The following FHIT variants were observed in gnomAD, a reference collection of about 807,000 sequenced individuals.
The protein encoded by FHIT is fragile histidine triad diadenosine triphosphatase, also known as bis(5'-adenosyl)-triphosphatase.
In FHIT, 19 loss-of-function variants were observed where a neutral mutation model predicts 17.9. The ratio of observed to expected loss-of-function variants is 1.06; its 90% CI spans 0.74 to 1.56. The LOEUF (loss-of-function observed/expected upper bound fraction) is 1.56, where lower values mean the gene tolerates loss of function less well. FHIT is among the 40% of genes most tolerant of loss of function. FHIT has a pLI of 0.00. For missense variants in FHIT, 248 were observed against 189.2 expected (o/e 1.31, Z -1.82); for synonymous variants, 81 against 69.7 (o/e 1.16, Z -0.81).
intron 5 of FHIT, among the ~76,000 whole-genome samples, chr3:60,127,632 C>T (rs1705616470): frequency 6.6e-6 from 1 of 152,082 alleles, no homozygotes; most frequent in Non-Finnish European, 1.5e-5. Context: ...GAAAGGGTCT[C>T]ACTCTGTCAC....
chr3:60,995,997 A>C (rs2030647106), intron 3 of FHIT, among the ~76,000 whole-genome samples: 2 of 152,232 alleles, frequency 1.3e-5, no homozygotes. Context: ...ATTTTAATTT[A>C]ACCTTCCCAG....
chr3:60,152,022 G>T (rs1236660794), intron 5 of FHIT, among the ~76,000 whole-genome samples: 5 of 152,076 alleles, frequency 3.3e-5, no homozygotes, highest in Non-Finnish European at 7.4e-5. Context: ...CCTATAAATT[G>T]CTCTATAAAT....
At chr3:60,235,524 C>T (rs772349085) in intron 5 of FHIT, among the ~76,000 whole-genome samples, 44 of 152,180 alleles carry the variant, frequency 2.9e-4, no homozygotes, top group Non-Finnish European at 2.2e-4. Context: ...CCACCGTGCC[C>T]GGCCATATCT....
chr3:59,776,063 T>C (rs780365), intron 8 of FHIT, among the ~76,000 whole-genome samples: 96,469 of 152,172 alleles, frequency 0.63, 31,196 homozygotes, highest in Middle Eastern at 0.7. Flanking sequence ...TCGAATTGCC[T>C]GCCCAGCTCC....
chr3:59,820,188 T>A (rs546098435), intron 8 of FHIT, among the ~76,000 whole-genome samples: 7 of 152,348 alleles, frequency 4.6e-5, no homozygotes, highest in African/African-American at 1.4e-4. Flanking sequence ...AGGTTTCATT[T>A]TCAACATTTA....
chr3:60,130,382 C>A (rs1699488098), intron 5 of FHIT, among the ~76,000 whole-genome samples: 1 of 152,116 alleles, frequency 6.6e-6, no homozygotes, highest in East Asian at 1.9e-4. Flanking sequence ...TAGCACTATC[C>A]ATGCTCACAA....
intron 5 of FHIT, among the ~76,000 whole-genome samples, chr3:60,088,121 G>A (rs1220613617): frequency 1.3e-5 from 2 of 152,182 alleles, no homozygotes; most frequent in Non-Finnish European, 2.9e-5. Context: ...GAGGAAGCAA[G>A]ATGTCAACAA....
intron 1 of FHIT, among the ~76,000 whole-genome samples, chr3:61,204,376 G>C (rs2039137173): frequency 6.6e-6 from 1 of 152,088 alleles, no homozygotes; most frequent in South Asian, 2.1e-4. Context: ...ATGTACACTT[G>C]CACAAATTAT....
intron 3 of FHIT, among the ~76,000 whole-genome samples, chr3:60,829,071 A>C (rs1702225366): frequency 6.6e-6 from 1 of 152,198 alleles, no homozygotes; most frequent in African/African-American, 2.4e-5. Context: ...TGTTATCAAA[A>C]GTCATTGCAA....
At chr3:59,908,503 A>C (rs1008973015) in intron 8 of FHIT, among the ~76,000 whole-genome samples, 2 of 152,218 alleles carry the variant, frequency 1.3e-5, no homozygotes, top group African/African-American at 2.4e-5. Flanking sequence ...AAAGGTCACC[A>C]TCCTGCAAAG....
At chr3:60,911,156 A>G (rs936227625) in intron 3 of FHIT, among the ~76,000 whole-genome samples, 1 of 152,238 alleles carries the variant, frequency 6.6e-6, no homozygotes, top group Non-Finnish European at 1.5e-5. Flanking sequence ...GTAACTAGTT[A>G]TAAGGAACCG....
rs188820602 is a variant in FHIT at position 60,814,150 on chromosome 3, C to T, written c.-18+7769G>A. The stretch of plus-strand genomic sequence containing the variant: ...GAAAGTAGCTTGCATTCATAAAGCC[C>T]TTGGGCTTAGGTCTTTTTAAAAAAA... On this transcript the variant is annotated intron_variant, in intron 4 of 9. Transcript: ENST00000492590. Among the ~76,000 whole-genome samples the T allele has an allele frequency of 5.3e-5, 8 of 152,004 alleles. No homozygotes were observed. The East Asian group carries it at 1.5e-3, about 29-fold the overall frequency.
At chr3:60,299,216 C>T (rs762935403) in intron 5 of FHIT, among the ~76,000 whole-genome samples, 4 of 152,020 alleles carry the variant, frequency 2.6e-5, no homozygotes, top group Non-Finnish European at 5.9e-5. Context: ...GGTTGACATG[C>T]GGTAGATTCC....
chr3:60,277,454 T>C (rs1559782399), intron 5 of FHIT, among the ~76,000 whole-genome samples: 1 of 152,190 alleles, frequency 6.6e-6, no homozygotes, highest in Non-Finnish European at 1.5e-5. Context: ...AAAAGCTACC[T>C]GGTACTAAGC....
At chr3:60,037,396 T>A (rs1218237304) in intron 5 of FHIT, among the ~76,000 whole-genome samples, 1 of 151,736 alleles carries the variant, frequency 6.6e-6, no homozygotes. Flanking sequence ...CTTTCTTTTT[T>A]TTTTTTTTTT....
intron 5 of FHIT, among the ~76,000 whole-genome samples, chr3:60,176,289 T>G (rs1701665568): frequency 6.6e-6 from 1 of 152,024 alleles, no homozygotes; most frequent in Admixed American, 6.5e-5. Context: ...GAGGCAAAGG[T>G]TGCAGAGAGC....
intron 4 of FHIT, among the ~76,000 whole-genome samples, chr3:60,693,889 A>G (rs1384123974): frequency 6.6e-6 from 1 of 152,234 alleles, no homozygotes; most frequent in Non-Finnish European, 1.5e-5. Flanking sequence ...CTTTAGCTAC[A>G]CCAGCACTGA....
chr3:59,914,494 G>A (rs7349527), intron 8 of FHIT, among the ~76,000 whole-genome samples: 23,853 of 152,062 alleles, frequency 0.16, 2,136 homozygotes, highest in Non-Finnish European at 0.2. Context: ...AAGAGGTTAC[G>A]GGATTTATTT....
intron 5 of FHIT, among the ~76,000 whole-genome samples, chr3:60,527,529 A>T (rs116289076): frequency 6.6e-6 from 1 of 152,198 alleles, no homozygotes; most frequent in African/African-American, 2.4e-5. Flanking sequence ...TTTATCTCAG[A>T]GCAAATTATG....
Sources: allele counts gnomAD v4.1 joint callset (sites outside exome capture counted in the v4.1 genomes callset), GRCh38; gene constraint gnomAD v4.1.1; transcripts MANE v1.5; gene names NCBI Gene and HGNC (gene_info 2026-07-23, HGNC 2026-07-21).